C1orf159: variants seen among roughly 807,000 people sequenced by gnomAD.
The protein encoded by C1orf159 is uncharacterized protein C1orf159.
In C1orf159, 19 loss-of-function variants were observed where a neutral mutation model predicts 25.6. The ratio of observed to expected loss-of-function variants is 0.74; its 90% CI spans 0.52 to 1.09. The LOEUF (loss-of-function observed/expected upper bound fraction) is 1.09, where lower values mean the gene tolerates loss of function less well. C1orf159 is among the 50% of genes least tolerant of loss of function. The pLI is 0.00. For synonymous variants in C1orf159, 139 were observed against 124.7 expected (o/e 1.12, Z -0.77); for missense variants, 274 against 290.6 (o/e 0.94, Z 0.42).
chr1:1,082,944 C>T lies in C1orf159; in HGVS notation c.546G>A (p.Arg182=). 6.2e-7 allele frequency: 1 copy of T among 1,604,328 alleles called. No individual in the cohort carries two copies. The highest frequency in any genetic ancestry group is 8.5e-7 in the Non-Finnish European group (1 of 1,176,332). ...RYVRRERPLD[R]ATDPAAFPGE... ...CCGGGAAGGCAGCGGGATCCGTGGC[C>T]CTGTCCAGGGGCCGCTCCCGCCTGA... Residue 182 remains arginine, a synonymous_variant, in exon 10 of 10, where the codon AGG becomes AGA. Coordinates refer to ENST00000421241, the MANE Select transcript of C1orf159 (RefSeq NM_017891.5).
At chr1:1,084,848 A>C (rs1020867707) in intron 7 of C1orf159, among the ~76,000 whole-genome samples, 7 of 152,056 alleles carry the variant, frequency 4.6e-5, no homozygotes, top group Non-Finnish European at 1.0e-4. Flanking sequence ...CCAGGGTCCC[A>C]GGGGAAGGGC....
At chr1:1,094,894 T>C (rs1557427856) in intron 1 of C1orf159, among the ~76,000 whole-genome samples, 1 of 152,264 alleles carries the variant, frequency 6.6e-6, no homozygotes. Flanking sequence ...GTTTTAGCTT[T>C]TGCATTCTGA....
chr1:1,085,070 GTC>G (rs1403920060), intron 7 of C1orf159, among the ~76,000 whole-genome samples: 1 of 152,194 alleles, frequency 6.6e-6, no homozygotes, highest in African/African-American at 2.4e-5. Flanking sequence ...AGCAGGCCGG[GTC>G]TCTCGGTGCC....
At chr1:1,106,561 C>G (rs1646173377) in intron 1 of C1orf159, 1 of 152,294 alleles carries the variant, frequency 6.6e-6, no homozygotes, top group Admixed American at 6.5e-5. Context: ...CTCCAAGAGA[C>G]ATTTGTACAA....
intron 1 of C1orf159, among the ~76,000 whole-genome samples, chr1:1,099,010 C>G (rs75814858): frequency 1.1e-5 from 1 of 87,930 alleles, no homozygotes; most frequent in African/African-American, 9.2e-5. Flanking sequence ...TTTATTGTTC[C>G]AAGAATCGGA....
chr1:1,103,974 C>T (rs1646137107), intron 1 of C1orf159, among the ~76,000 whole-genome samples: 1 of 150,062 alleles, frequency 6.7e-6, no homozygotes, highest in Non-Finnish European at 1.5e-5. Flanking sequence ...AGCTGCCCTG[C>T]CAGATAGTAG....
chr1:1,104,556 T>G (rs1646144450), intron 1 of C1orf159, among the ~76,000 whole-genome samples: 2 of 152,204 alleles, frequency 1.3e-5, no homozygotes, highest in Non-Finnish European at 2.9e-5. Flanking sequence ...CGGCTTTCTG[T>G]GTCCAGAAAC....
At chr1:1,083,289 T>C (rs1227903443) in intron 9 of C1orf159, 3 of 370,422 alleles carry the variant, frequency 8.1e-6, no homozygotes, top group East Asian at 4.8e-5. Context: ...CAGAGTATCA[T>C]GCACCTCAGG....
intron 1 of C1orf159, among the ~76,000 whole-genome samples, chr1:1,107,984 C>G (rs1052293133): frequency 6.6e-6 from 1 of 152,180 alleles, no homozygotes; most frequent in African/African-American, 2.4e-5. Context: ...ACACTCACTG[C>G]GAGGGTCTGC....
At chr1:1,084,649 G>T in intron 7 of C1orf159, 143 bp from the exon 8 acceptor site, 1 of 1,032,822 alleles carries the variant, frequency 9.7e-7, no homozygotes, top group Non-Finnish European at 1.4e-6. Context: ...AGGCCCCGGG[G>T]CTGCAGGGTC....
rs1174138912 is a variant in C1orf159 at position 1,110,307 on chromosome 1, G to C, written c.-136+5753C>G. Among the ~76,000 whole-genome samples, 1 of 152,190 alleles carries C rather than the reference G, an allele frequency of 6.6e-6. No individual in the cohort carries two copies. Among genetic ancestry groups the C allele is most frequent in the African/African-American group, 2.4e-5 (1 of 41,430 alleles). ...CTGGGGTCCCCTTGACCAAGAGGGA[G>C]CTCGTTCAGTCGGCGGGGGACTTAG... On this transcript the variant is annotated intron_variant, in intron 1 of 9. Coordinates refer to ENST00000421241, the MANE Select transcript of C1orf159 (RefSeq NM_017891.5). The surrounding 1 kb of genome is among the most constrained non-coding windows in gnomAD (Gnocchi z 4.8).
At chr1:1,094,461 C>T (rs893393414) in intron 1 of C1orf159, among the ~76,000 whole-genome samples, 1 of 151,788 alleles carries the variant, frequency 6.6e-6, no homozygotes, top group Non-Finnish European at 1.5e-5. Flanking sequence ...AGTGCAGTGG[C>T]GTGATCTCAG....
intron 4 of C1orf159, among the ~76,000 whole-genome samples, chr1:1,088,702 C>T (rs539632611): frequency 5.3e-5 from 8 of 152,266 alleles, no homozygotes; most frequent in Admixed American, 2.0e-4. Flanking sequence ...ATGCCGACTG[C>T]GGTGCGGCTG....
At chr1:1,098,581 G>A (rs1376941611) in intron 1 of C1orf159, among the ~76,000 whole-genome samples, 1 of 152,148 alleles carries the variant, frequency 6.6e-6, no homozygotes, top group Non-Finnish European at 1.5e-5. Context: ...GGTCTGTGTT[G>A]GAAAATGTAT....
Position 1,087,148 on chromosome 1 carries a change from G to C in C1orf159, c.301C>G (p.Pro101Ala), listed in dbSNP as rs139386156. Residue 101 changes from proline (P) to alanine (A), a missense_variant, in exon 6 of 10, where the codon CCA becomes GCA. Coordinates refer to ENST00000421241, the MANE Select transcript of C1orf159 (RefSeq NM_017891.5). This position sits in a 1 kb window ranked among gnomAD's most constrained non-coding sequence, Gnocchi z 8.3. ...GCCTGCTGAGACTTACCAGGATGTG[G>C]CCGCCCGGGGGTCCCTGAGCTTCTG... ...MNRSSGTPGR[P>A]HPGAPRVAAS... 2 of 1,609,188 alleles carry C rather than the reference G, an allele frequency of 1.2e-6. No individual in the cohort carries two copies. The highest frequency in any genetic ancestry group is 2.7e-5 in the African/African-American group (2 of 74,914).
chr1:1,096,174 T>C (rs769660496), intron 1 of C1orf159, among the ~76,000 whole-genome samples: 13 of 152,188 alleles, frequency 8.5e-5, no homozygotes, highest in Non-Finnish European at 1.6e-4. Context: ...TATTGCCTCA[T>C]AAAACAAGCT....
rs1279114809 is a variant in C1orf159 at position 1,090,436 on chromosome 1, G to A, written c.73-8C>T. ...GCACTCGGGCAGCTGGGCCTGGAGG[G>A]GACACGGCAGTGAAACTCCAGGACG... is the stretch of plus-strand genomic sequence containing the variant. On this transcript the variant is annotated splice_region_variant and splice_polypyrimidine_tract_variant and intron_variant, in intron 3 of 9. Transcript: ENST00000421241. 2.6e-6 allele frequency: 4 copies of A among 1,550,192 alleles called. No individual in the cohort carries two copies. In the East Asian group the frequency reaches 7.3e-5, roughly 28 times the overall value.
chr1:1,085,502 GA>G (rs139568537), intron 7 of C1orf159, among the ~76,000 whole-genome samples: 4,523 of 151,376 alleles, frequency 0.03, 189 homozygotes, highest in African/African-American at 0.1. Flanking sequence ...CAGGAGAGGG[GA>G]GGGGGGACCA....
In C1orf159 at chr1:1,097,210, G is replaced by A. The variant is rs188695075; in HGVS notation, c.-135-5107C>T. On this transcript the variant is annotated intron_variant, in intron 1 of 9. Coordinates refer to ENST00000421241, the MANE Select transcript of C1orf159 (RefSeq NM_017891.5). ...CAACCTCTGCCTCCCGGGTTCAAGC[G>A]ATTCTTGTGCCTCAGCCTCCTGAGC... Among the ~76,000 whole-genome samples, 609 of 152,120 alleles carry A rather than the reference G, an allele frequency of 4.0e-3. 5 individuals are homozygous for A. The highest frequency in any genetic ancestry group is 0.014 in the African/African-American group (584 of 41,492).
Sources: gnomAD v4.1 joint callset for allele counts (sites outside exome capture counted in the v4.1 genomes callset) on GRCh38, gnomAD v4.1.1 for gene constraint, Gnocchi (gnomAD v3.1) non-coding constraint, MANE v1.5 for transcripts, NCBI Gene and HGNC (gene_info 2026-07-23, HGNC 2026-07-21) for gene names.